The following COL23A1 variants were observed in gnomAD, a reference collection of about 807,000 sequenced individuals.
COL23A1 encodes the protein collagen type XXIII alpha 1 chain.
In COL23A1, 97 loss-of-function variants were observed where a neutral mutation model predicts 99.3. That is an observed-to-expected ratio of 0.98 (90% CI 0.83 to 1.16). The LOEUF (loss-of-function observed/expected upper bound fraction) is 1.16, where lower values mean the gene tolerates loss of function less well. COL23A1 is among the 50% of genes most tolerant of loss of function. COL23A1 has a pLI of 0.00. For missense variants in COL23A1, 762 were observed against 757.4 expected (o/e 1.01, Z -0.07); for synonymous variants, 320 against 308.2 (o/e 1.04, Z -0.40).
Position 178,538,205 on chromosome 5 carries a change from G to A in COL23A1, c.361+22477C>T, listed in dbSNP as rs149780554. 2.6e-3 allele frequency among the ~76,000 whole-genome samples: 403 copies of A among 152,296 alleles called. 3 individuals carry two copies. Among genetic ancestry groups the A allele is most frequent in the African/African-American group, 8.6e-3 (358 of 41,568 alleles). On this transcript the variant is annotated intron_variant, in intron 2 of 28. Transcript: ENST00000390654. ...AAGAGCCCCAGAGGGCTCGTTTACC[G>A]CTCAGGGCTGGGCATTCCACCTCTA...
intron 2 of COL23A1, among the ~76,000 whole-genome samples, chr5:178,537,757 G>T (rs995470254): frequency 6.6e-6 from 1 of 152,222 alleles, no homozygotes; most frequent in Non-Finnish European, 1.5e-5. Flanking sequence ...GTGGTGAAAC[G>T]TGCGCGGCAC....
At chr5:178,338,435 A>C (rs1370597509) in intron 2 of COL23A1, among the ~76,000 whole-genome samples, 2 of 152,194 alleles carry the variant, frequency 1.3e-5, no homozygotes, top group Non-Finnish European at 1.5e-5. Flanking sequence ...TCCCGCAAAG[A>C]GCATGGTACT....
intron 2 of COL23A1, among the ~76,000 whole-genome samples, chr5:178,358,725 A>G (rs1477417397): frequency 1.4e-5 from 2 of 139,724 alleles, no homozygotes; most frequent in East Asian, 2.1e-4. Flanking sequence ...GTGTATGTGT[A>G]TGTGTGTATG....
At chr5:178,370,707 A>C (rs145736325) in intron 2 of COL23A1, among the ~76,000 whole-genome samples, 2 of 152,330 alleles carry the variant, frequency 1.3e-5, no homozygotes, top group East Asian at 3.9e-4. Context: ...GAAAAATAAA[A>C]TGTTGAATAA....
At chr5:178,560,508 G>A (rs571991356) in intron 2 of COL23A1, among the ~76,000 whole-genome samples, 174 bp downstream of exon 2, 60 of 152,274 alleles carry the variant, frequency 3.9e-4, no homozygotes, top group African/African-American at 1.3e-3. Flanking sequence ...TTACTTTGCT[G>A]GAAACCGACC....
chr5:178,269,591 AATCCATCCATCCATCC>A (rs535673246), intron 6 of COL23A1, among the ~76,000 whole-genome samples: 9 of 90,702 alleles, frequency 9.9e-5, no homozygotes, highest in South Asian at 5.6e-4. Flanking sequence ...CTCATCCATC[AATCCATCCATCCATCC>A]ATCCATCCAT....
At chr5:178,246,729 G>T (rs1315067207) in intron 22 of COL23A1, among the ~76,000 whole-genome samples, 1 of 1,162 alleles carries the variant, frequency 8.6e-4, no homozygotes, top group South Asian at 0.05. Flanking sequence ...GACGGGGGGC[G>T]GGGGGGGGGG....
intron 2 of COL23A1, among the ~76,000 whole-genome samples, chr5:178,320,653 C>T (rs185136028): frequency 2.0e-4 from 31 of 152,346 alleles, no homozygotes; most frequent in Non-Finnish European, 3.5e-4. Context: ...CCAGTTCCCA[C>T]GCATCCTTGC....
chr5:178,449,827 A>G (rs1057458216), intron 2 of COL23A1, among the ~76,000 whole-genome samples: 1 of 152,120 alleles, frequency 6.6e-6, no homozygotes, highest in African/African-American at 2.4e-5. Context: ...AGTGGCATCC[A>G]GCGCCGGTTA....
At chr5:178,429,046 G>A (rs533224735) in intron 2 of COL23A1, among the ~76,000 whole-genome samples, 36 of 152,234 alleles carry the variant, frequency 2.4e-4, no homozygotes, top group African/African-American at 7.9e-4. Context: ...TGGGGCACGC[G>A]ACTGCTCTGT....
Position 178,547,999 on chromosome 5 carries a change from C to CACACACCTACACCCA in COL23A1, c.361+12682_361+12683insTGGGTGTAGGTGTGT, listed in dbSNP as rs1761789628. 2.2e-4 allele frequency among the ~76,000 whole-genome samples: 3 copies of CACACACCTACACCCA among 13,816 alleles called. 1 individual carries two copies. The highest frequency in any genetic ancestry group is 4.9e-4 in the Non-Finnish European group (3 of 6,160). The allele number at this position is 13,816 out of a possible 152,430, so 9.1% of individuals were successfully genotyped here. A position where few individuals can be genotyped will look rare whatever the true frequency, so the allele number is the denominator to read the frequency against. On this transcript the variant is annotated intron_variant, in intron 2 of 28. Transcript: ENST00000390654. The stretch of plus-strand genomic sequence containing the variant: ...ACCCACACCCACCCCCCACACACCC[C>CACACACCTACACCCA]CATACCCACCCACACACACCCACCC...
chr5:178,585,432 G>GACGCTGGAGTA (rs1763895066), intron 1 of COL23A1, among the ~76,000 whole-genome samples: 1 of 147,202 alleles, frequency 6.8e-6, no homozygotes, highest in African/African-American at 2.6e-5. Context: ...AGCCCTGGTT[G>GACGCTGGAGTA]ACACTGGGGT....
In COL23A1 at chr5:178,310,141, A is replaced by G. The variant is rs1758594206; in HGVS notation, c.362-3222T>C. 6.6e-6 allele frequency among the ~76,000 whole-genome samples: 1 copy of G among 152,224 alleles called. No individual in the cohort carries two copies. Among genetic ancestry groups the G allele is most frequent in the Non-Finnish European group, 1.5e-5 (1 of 68,036 alleles). ...TTCCTTTCCCGGACTGCGAGAAGAC[A>G]GGCGGTGAGGCCCTGGGAGAGGGCG... On this transcript the variant is annotated intron_variant, in intron 2 of 28. Coordinates refer to ENST00000390654, the MANE Select transcript of COL23A1 (RefSeq NM_173465.4). This position sits in a 1 kb window ranked among gnomAD's most constrained non-coding sequence, Gnocchi z 4.3.
chr5:178,371,092 C>T (rs763981914), intron 2 of COL23A1, among the ~76,000 whole-genome samples: 1 of 152,190 alleles, frequency 6.6e-6, no homozygotes, highest in Non-Finnish European at 1.5e-5. Context: ...GTTGACGTCT[C>T]TCTCTGCCAT....
chr5:178,533,655 G>A (rs998855210), intron 2 of COL23A1, among the ~76,000 whole-genome samples: 1 of 151,930 alleles, frequency 6.6e-6, no homozygotes, highest in Admixed American at 6.6e-5. Flanking sequence ...GCACCACCAC[G>A]CCCGGCTAAT....
Position 178,242,111 on chromosome 5 carries a change from G to C in COL23A1, c.1512C>G (p.Pro504=), listed in dbSNP as rs1178075504. The C allele has an allele frequency of 2.6e-6, 4 of 1,553,074 alleles. No individual in the cohort carries two copies. Among genetic ancestry groups the C allele is most frequent in the Non-Finnish European group, 3.5e-6 (4 of 1,148,016 alleles). ...TCTGGCCCTTCACTCCTTTCCGGCC[G>C]GGGACCCCTCGTTCTCCCTGTGCAG... ...ERGEKGERGV[P]GRKGVKGQKG... The change falls in exon 27 of 29, where the codon CCC becomes CCG. Residue 504 remains proline (P), a synonymous_variant. Coordinates refer to ENST00000390654, the MANE Select transcript of COL23A1 (RefSeq NM_173465.4).
intron 2 of COL23A1, among the ~76,000 whole-genome samples, chr5:178,325,373 C>T (rs1759590513): frequency 1.3e-5 from 2 of 150,946 alleles, no homozygotes; most frequent in East Asian, 3.9e-4. Flanking sequence ...CCGTTCCGCC[C>T]AGCTCCACTT....
chr5:178,415,256 C>T lies in COL23A1; in HGVS notation c.362-108337G>A, dbSNP rs1046616016. On this transcript the variant is annotated intron_variant, in intron 2 of 28. Coordinates refer to ENST00000390654, the MANE Select transcript of COL23A1 (RefSeq NM_173465.4). This position sits in a 1 kb window ranked among gnomAD's most constrained non-coding sequence, Gnocchi z 4.6. ...AGTGGGGTCCACATGGTGCCAGTTA[C>T]AGTGCTCAGTGGGGACGAGCCCGCC... 6.6e-6 allele frequency among the ~76,000 whole-genome samples: 1 copy of T among 152,190 alleles called. No homozygotes were observed.
At chr5:178,424,433 C>A (rs1033077039) in intron 2 of COL23A1, among the ~76,000 whole-genome samples, 1 of 152,228 alleles carries the variant, frequency 6.6e-6, no homozygotes, top group Admixed American at 6.5e-5. Flanking sequence ...ACCCTTTGAT[C>A]CAGGGCCCAG....
Sources: allele counts gnomAD v4.1 joint callset (sites outside exome capture counted in the v4.1 genomes callset), GRCh38; gene constraint gnomAD v4.1.1; non-coding constraint Gnocchi (gnomAD v3.1); transcripts MANE v1.5; gene names NCBI Gene and HGNC (gene_info 2026-07-23, HGNC 2026-07-21).